The following KIF26B variants were observed in gnomAD, a reference collection of about 807,000 sequenced individuals.
KIF26B encodes kinesin family member 26B, also known as kinesin-like protein KIF26B.
Under a neutral mutation model 151.2 loss-of-function variants are expected in KIF26B, and 63 were observed. The observed-to-expected ratio is 0.42, with a 90% CI of 0.34 to 0.51. The LOEUF (loss-of-function observed/expected upper bound fraction) is 0.51, where lower values mean the gene tolerates loss of function less well. Ranked by LOEUF, KIF26B falls within the 20% of genes least tolerant of loss-of-function variation. The pLI, the probability that KIF26B is intolerant of heterozygous loss-of-function variation, is 0.07. For missense variants in KIF26B, 2,813 were observed against 2,913.6 expected (o/e 0.97, Z 0.79); for synonymous variants, 1,357 against 1,262.1 (o/e 1.08, Z -1.59).
intron 10 of KIF26B, among the ~76,000 whole-genome samples, chr1:245,669,241 A>G (rs2044253617): frequency 6.6e-6 from 1 of 152,164 alleles, no homozygotes; most frequent in South Asian, 2.1e-4. Flanking sequence ...GGCCACTCTC[A>G]TCGTTAGGCT....
chr1:245,367,119 C>G lies in KIF26B; in HGVS notation c.751C>G (p.Pro251Ala), dbSNP rs758175734. 5 of 1,592,834 alleles carry G rather than the reference C, an allele frequency of 3.1e-6. No homozygotes were observed. The East Asian group carries it at 9.2e-5, about 29-fold the overall frequency. Residue 251 changes from proline (P) to alanine (A), a missense_variant, in exon 3 of 15, where the codon CCC becomes GCC. Pro to Ala is a conservative substitution (Grantham distance 27, BLOSUM62 -1). Around this residue, in one of 3 missense-constraint regions of KIF26B, gnomAD observed 676 missense variants for 688.1 expected, o/e 0.98. Coordinates refer to ENST00000407071, the MANE Select transcript of KIF26B (RefSeq NM_018012.4). The surrounding 1 kb of genome is among the most constrained non-coding windows in gnomAD (Gnocchi z 4.2). ...QPRDWAFVPA[P>A]CATSNYTGFA... ...CAGAGACTGGGCCTTTGTGCCCGCC[C>G]CCTGTGCCACCTCCAACTACACAGG... is the stretch of plus-strand genomic sequence containing the variant.
intron 9 of KIF26B, among the ~76,000 whole-genome samples, chr1:245,630,600 G>T (rs1467530757): frequency 6.6e-6 from 1 of 152,236 alleles, no homozygotes; most frequent in South Asian, 2.1e-4. Context: ...AGGGAAAGGG[G>T]AGTGAGAGCA....
intron 8 of KIF26B, 107 bp from the exon 9 acceptor site, chr1:245,611,686 A>C: frequency 8.5e-7 from 1 of 1,175,000 alleles, no homozygotes; most frequent in Non-Finnish European, 1.2e-6. Flanking sequence ...ACGTGGCTTT[A>C]CTATACAGAA....
chr1:245,255,885 C>T (rs1013873377), intron 2 of KIF26B, among the ~76,000 whole-genome samples: 1 of 152,082 alleles, frequency 6.6e-6, no homozygotes, highest in African/African-American at 2.4e-5. Context: ...AGACATGGTT[C>T]TTCTTTGGTT....
At chr1:245,449,234 T>A (rs899766207) in intron 4 of KIF26B, among the ~76,000 whole-genome samples, 9 of 152,190 alleles carry the variant, frequency 5.9e-5, no homozygotes, top group African/African-American at 2.2e-4. Context: ...GACAGATCCT[T>A]GTCGTATGGA....
chr1:245,575,848 A>G (rs1413358375), intron 5 of KIF26B, among the ~76,000 whole-genome samples: 1 of 152,068 alleles, frequency 6.6e-6, no homozygotes, highest in African/African-American at 2.4e-5. Flanking sequence ...TGACTTCTTG[A>G]ACTATGAAAA....
At chr1:245,623,299 G>C (rs1349381417) in intron 9 of KIF26B, among the ~76,000 whole-genome samples, 1 of 151,888 alleles carries the variant, frequency 6.6e-6, no homozygotes, top group Admixed American at 6.6e-5. Flanking sequence ...ACATTAGTGT[G>C]GATTTCCTAG....
chr1:245,302,988 C>CAA (rs74163037), intron 2 of KIF26B, among the ~76,000 whole-genome samples: 8,485 of 35,760 alleles, frequency 0.24, 1,776 homozygotes, highest in Admixed American at 0.32. Flanking sequence ...GACTCTGTCT[C>CAA]AAAAAAAAAA....
intron 3 of KIF26B, among the ~76,000 whole-genome samples, chr1:245,379,661 C>T (rs139638188): frequency 1.3e-5 from 2 of 151,720 alleles, no homozygotes; most frequent in East Asian, 1.9e-4. Context: ...TTGCAAGTTT[C>T]GATAAATTGG....
intron 2 of KIF26B, among the ~76,000 whole-genome samples, chr1:245,295,473 G>A (rs918023274): frequency 6.6e-6 from 1 of 152,164 alleles, no homozygotes; most frequent in Non-Finnish European, 1.5e-5. Context: ...ATGGGTTCCT[G>A]TCCTCACATC....
At chr1:245,284,227 T>C (rs1323974146) in intron 2 of KIF26B, among the ~76,000 whole-genome samples, 1 of 152,258 alleles carries the variant, frequency 6.6e-6, no homozygotes, top group East Asian at 1.9e-4. Flanking sequence ...ACATACTGAT[T>C]TTCTAAATGT....
chr1:245,282,709 T>C (rs1573751374), intron 2 of KIF26B: 1 of 158,492 alleles, frequency 6.3e-6, no homozygotes, highest in Admixed American at 6.5e-5. Flanking sequence ...GGCAGGTGGG[T>C]TTCCCTGTCT....
intron 2 of KIF26B, among the ~76,000 whole-genome samples, chr1:245,161,971 G>T (rs1209050295): frequency 2.6e-5 from 4 of 152,200 alleles, no homozygotes; most frequent in African/African-American, 9.7e-5. Context: ...TGGAATGCAA[G>T]GGGCGGGGGG....
intron 5 of KIF26B, among the ~76,000 whole-genome samples, chr1:245,561,157 A>G (rs542987081): frequency 2.1e-4 from 32 of 152,354 alleles, no homozygotes; most frequent in African/African-American, 7.2e-4. Context: ...GACAGGAGGC[A>G]GTGCTGAAAT....
chr1:245,706,320 T>C lies in KIF26B; in HGVS notation c.*3714T>C, dbSNP rs1393342679. 6.6e-6 allele frequency: 1 copy of C among 152,190 alleles called. No homozygotes were observed. Among genetic ancestry groups the C allele is most frequent in the South Asian group, 2.1e-4 (1 of 4,826 alleles). The allele number at this position is 152,190 out of a possible 1,614,324, so 9.4% of individuals were successfully genotyped here. ...AAATGCAGTTGTGCCCACTTGGGTG[T>C]GTATCTCATGTCCTTGTAAACCAGC... On this transcript the variant is annotated 3_prime_UTR_variant, in exon 15 of 15. Transcript: ENST00000407071.
Position 245,540,541 on chromosome 1 carries a change from T to C in KIF26B, c.1167-226T>C. ...TTTGTAAATCGTGATTGCAGAATCCTGCTATTTTATGGCTTTGTTTTTCCT... is the reference window on the plus strand; with the variant it reads ...TTTGTAAATCGTGATTGCAGAATCCCGCTATTTTATGGCTTTGTTTTTCCT... On this transcript the variant is annotated intron_variant, in intron 4 of 14. Coordinates refer to ENST00000407071, the MANE Select transcript of KIF26B (RefSeq NM_018012.4). The surrounding 1 kb of genome is among the most constrained non-coding windows in gnomAD (Gnocchi z 4.6). 1 of 698,140 alleles carries C rather than the reference T, an allele frequency of 1.4e-6. No individual in the cohort carries two copies. Among genetic ancestry groups the C allele is most frequent in the Non-Finnish European group, 2.6e-6 (1 of 381,594 alleles). The allele number at this position is 698,140 out of a possible 1,614,324, so 43.2% of individuals were successfully genotyped here. A position where few individuals can be genotyped will look rare whatever the true frequency, so the allele number is the denominator to read the frequency against.
rs930662270 is a variant in KIF26B at position 245,601,993 on chromosome 1, T to C, written c.1351-584T>C. ...GAAACGACAACTTCTCTGCACTCGC[T>C]TAATGGGATCCCAAATAACACGTCG... On this transcript the variant is annotated intron_variant, in intron 5 of 14. Transcript: ENST00000407071. The surrounding 1 kb of genome is among the most constrained non-coding windows in gnomAD (Gnocchi z 4.4). Among the ~76,000 whole-genome samples the C allele has an allele frequency of 5.3e-5, 8 of 152,204 alleles. No individual in the cohort carries two copies. Among genetic ancestry groups the C allele is most frequent in the African/African-American group, 1.9e-4 (8 of 41,454 alleles).
chr1:245,233,214 A>G (rs1670033306), intron 2 of KIF26B, among the ~76,000 whole-genome samples: 1 of 152,228 alleles, frequency 6.6e-6, no homozygotes, highest in Non-Finnish European at 1.5e-5. Flanking sequence ...CACAGGGCCC[A>G]GAAGGAAGTG....
chr1:245,372,499 T>C (rs552166590), intron 3 of KIF26B, among the ~76,000 whole-genome samples: 1 of 152,278 alleles, frequency 6.6e-6, no homozygotes, highest in East Asian at 1.9e-4. Flanking sequence ...AAGGTGGTTT[T>C]CCGATCCTCA....
Sources: allele counts gnomAD v4.1 joint callset (sites outside exome capture counted in the v4.1 genomes callset), GRCh38; gene constraint gnomAD v4.1.1; regional missense constraint gnomAD v4.1.1; non-coding constraint Gnocchi (gnomAD v3.1); transcripts MANE v1.5; gene names NCBI Gene and HGNC (gene_info 2026-07-23, HGNC 2026-07-21).